ARHGAP28: variants seen among roughly 807,000 people sequenced by gnomAD.
ARHGAP28 encodes Rho GTPase activating protein 28.
In ARHGAP28, 56 loss-of-function variants were observed where a neutral mutation model predicts 90.7. The ratio of observed to expected loss-of-function variants is 0.62; its 90% CI spans 0.50 to 0.77. ARHGAP28 has a LOEUF of 0.77. Ranked by LOEUF, ARHGAP28 falls within the 30% of genes least tolerant of loss-of-function variation. The pLI is 0.00. For synonymous variants in ARHGAP28, 308 were observed against 323.3 expected (o/e 0.95, Z 0.51); for missense variants, 869 against 900.9 (o/e 0.96, Z 0.45).
At chr18:6,794,022 T>G (rs12327512) in intron 1 of ARHGAP28, among the ~76,000 whole-genome samples, 29,291 of 152,062 alleles carry the variant, frequency 0.19, 3,240 homozygotes, top group African/African-American at 0.3. Context: ...ACCATTAAAC[T>G]TTTTCCAGTT....
At position 6,915,507 on chromosome 18, in the gene ARHGAP28, C is replaced by T. The variant is rs902564408; in HGVS notation, c.*3353C>T. On this transcript the variant is annotated 3_prime_UTR_variant, in exon 18 of 18. Transcript: ENST00000383472. ...TAACAGTTTTACACACTTACATACA[C>T]CTTAATTAAAAATTTTTTTCTGTCA... 4 of 65,594 alleles carry T rather than the reference C, an allele frequency of 6.1e-5. No homozygotes were observed. Among genetic ancestry groups the T allele is most frequent in the Non-Finnish European group, 1.1e-4 (3 of 26,308 alleles). The allele number at this position is 65,594 out of a possible 1,614,324, so 4.1% of individuals were successfully genotyped here.
intron 1 of ARHGAP28, among the ~76,000 whole-genome samples, chr18:6,770,463 T>A (rs1450058401): frequency 6.6e-6 from 1 of 152,152 alleles, no homozygotes; most frequent in Non-Finnish European, 1.5e-5. Flanking sequence ...GCTTCCAAAG[T>A]GTTGTTACGT....
intron 10 of ARHGAP28, among the ~76,000 whole-genome samples, chr18:6,881,444 G>A (rs1396649216): frequency 2.6e-5 from 4 of 152,196 alleles, no homozygotes; most frequent in African/African-American, 9.7e-5. Context: ...TGAAGCCTGA[G>A]TGGCATTGAT....
intron 3 of ARHGAP28, 104 bp from the exon 4 acceptor site, chr18:6,850,930 A>G (rs1287971685): frequency 2.6e-6 from 4 of 1,540,052 alleles, no homozygotes; most frequent in Middle Eastern, 3.4e-4. Flanking sequence ...ATCTCCAGGC[A>G]GCTGTACATA....
At chr18:6,807,262 T>C (rs1180215763) in intron 1 of ARHGAP28, among the ~76,000 whole-genome samples, 1 of 152,196 alleles carries the variant, frequency 6.6e-6, no homozygotes, top group Admixed American at 6.5e-5. Flanking sequence ...TTTCATGTCC[T>C]TGTCTACTAA....
At chr18:6,842,867 A>G (rs1415407532) in intron 3 of ARHGAP28, among the ~76,000 whole-genome samples, 3 of 152,294 alleles carry the variant, frequency 2.0e-5, no homozygotes, top group Middle Eastern at 6.8e-3. Flanking sequence ...TATACCTACC[A>G]TGTACCCACA....
At chr18:6,823,989 G>C (rs1320263578) in intron 1 of ARHGAP28, among the ~76,000 whole-genome samples, 1 of 152,104 alleles carries the variant, frequency 6.6e-6, no homozygotes, top group East Asian at 1.9e-4. Context: ...CAGTGCACAA[G>C]GGTTGCAGTT....
rs527599334 is a variant in ARHGAP28, at chr18:6,905,906, G to A, written c.2031-3054G>A. On this transcript the variant is annotated intron_variant, in intron 16 of 17. Coordinates refer to ENST00000383472, the MANE Select transcript of ARHGAP28 (RefSeq NM_001366230.1). ...GAAATTAAAGAAGACCTAAAGAAAT[G>A]GAGAAACATATCATTTTCATGGATT... 4.9e-4 allele frequency among the ~76,000 whole-genome samples: 75 copies of A among 152,066 alleles called. 1 individual carries two copies. The South Asian group carries it at 8.3e-3, about 17-fold the overall frequency.
chr18:6,885,041 G>A, intron 11 of ARHGAP28, among the ~76,000 whole-genome samples: 1 of 152,166 alleles, frequency 6.6e-6, no homozygotes, highest in East Asian at 1.9e-4. Context: ...GAAACACTGT[G>A]TGACGTTGTA....
intron 1 of ARHGAP28, among the ~76,000 whole-genome samples, chr18:6,738,091 C>T (rs1347368018): frequency 6.6e-6 from 1 of 152,104 alleles, no homozygotes; most frequent in Non-Finnish European, 1.5e-5. Context: ...CATACAAACA[C>T]ACAATACAAA....
chr18:6,884,512 A>G (rs1410350055), intron 11 of ARHGAP28, among the ~76,000 whole-genome samples: 1 of 152,228 alleles, frequency 6.6e-6, no homozygotes, highest in Non-Finnish European at 1.5e-5. Flanking sequence ...TCTGAACATT[A>G]TGAATATAGT....
intron 2 of ARHGAP28, among the ~76,000 whole-genome samples, chr18:6,827,532 G>C (rs1250851325): frequency 6.9e-6 from 1 of 145,556 alleles, no homozygotes; most frequent in Non-Finnish European, 1.5e-5. Flanking sequence ...GCGGCTGACC[G>C]GGCGGGGGGC....
chr18:6,835,823 C>T (rs2056748981), intron 2 of ARHGAP28, among the ~76,000 whole-genome samples: 2 of 152,184 alleles, frequency 1.3e-5, no homozygotes, highest in Non-Finnish European at 1.5e-5. Context: ...TACCGACTTT[C>T]TTCCAGATTC....
At chr18:6,735,552 G>A (rs1471540078) in intron 1 of ARHGAP28, among the ~76,000 whole-genome samples, 1 of 142,130 alleles carries the variant, frequency 7.0e-6, no homozygotes, top group Non-Finnish European at 1.5e-5. Context: ...TTAAGGTTAT[G>A]CTGTTTTTTT....
intron 3 of ARHGAP28, among the ~76,000 whole-genome samples, chr18:6,844,653 A>T (rs566311137): frequency 6.6e-6 from 1 of 152,048 alleles, no homozygotes; most frequent in Non-Finnish European, 1.5e-5. Flanking sequence ...TTGTATCCCA[A>T]CTCCTCTTTT....
At chr18:6,828,621 A>G (rs770411538) in intron 2 of ARHGAP28, among the ~76,000 whole-genome samples, 1 of 152,328 alleles carries the variant, frequency 6.6e-6, no homozygotes, top group East Asian at 1.9e-4. Flanking sequence ...GTAAGGGTCT[A>G]GTTTCATTCT....
rs138868164 is a variant in ARHGAP28 at position 6,876,203 on chromosome 18, G to C, written c.1285G>C (p.Val429Leu). The change falls in exon 10 of 18, where the codon GTC becomes CTC. Residue 429 changes from valine (V) to leucine (L), a missense_variant. Val to Leu is a conservative substitution (Grantham distance 32). Coordinates refer to ENST00000383472, the MANE Select transcript of ARHGAP28 (RefSeq NM_001366230.1). Reference protein sequence around the residue: ...IFRLSGCTAKVKQYREELDAK... With the variant: ...IFRLSGCTAKLKQYREELDAK... ...TCGACTTTCAGGATGTACTGCTAAA[G>C]TCAAGGTACCGAACATTTTGTCTCT... 38 of 1,613,650 alleles carry C rather than the reference G, an allele frequency of 2.4e-5. No homozygotes were observed. The highest frequency in any genetic ancestry group is 3.2e-5 in the Non-Finnish European group (38 of 1,179,704).
chr18:6,856,883 T>G (rs1376639394), intron 4 of ARHGAP28, among the ~76,000 whole-genome samples: 2 of 152,204 alleles, frequency 1.3e-5, no homozygotes, highest in Non-Finnish European at 2.9e-5. Context: ...ATGTCTGGCT[T>G]CTTTAATTTA....
At chr18:6,772,709 A>G (rs9951243) in intron 1 of ARHGAP28, among the ~76,000 whole-genome samples, 6,254 of 151,866 alleles carry the variant, frequency 0.041, 428 homozygotes, top group African/African-American at 0.14. Flanking sequence ...AGTATTTTCA[A>G]TTTGTGATGG....
Sources: gnomAD v4.1 joint callset for allele counts (sites outside exome capture counted in the v4.1 genomes callset) on GRCh38, gnomAD v4.1.1 for gene constraint, MANE v1.5 for transcripts, NCBI Gene and HGNC (gene_info 2026-07-23, HGNC 2026-07-21) for gene names.